The following MTBP variants were observed in gnomAD, a reference collection of about 807,000 sequenced individuals.
MTBP encodes the protein mdm2-binding protein.
MTBP carries 101 observed loss-of-function variants against 117.0 expected under a neutral mutation model. The ratio of observed to expected loss-of-function variants is 0.86; its 90% CI spans 0.73 to 1.02. The LOEUF is 1.02. Ranked by LOEUF, MTBP falls within the 50% of genes least tolerant of loss-of-function variation. The pLI is 0.00. For synonymous variants in MTBP, 350 were observed against 351.5 expected (o/e 1.00, Z 0.05); for missense variants, 970 against 1,030.9 (o/e 0.94, Z 0.81).
At chr8:120,459,580 T>C (rs2130526207) in intron 8 of MTBP, among the ~76,000 whole-genome samples, 1 of 152,328 alleles carries the variant, frequency 6.6e-6, no homozygotes, top group African/African-American at 2.4e-5. Context: ...ATGTGTATAG[T>C]CCTGAAACCA....
intron 11 of MTBP, among the ~76,000 whole-genome samples, chr8:120,484,547 G>A: frequency 6.6e-6 from 1 of 151,898 alleles, no homozygotes. Flanking sequence ...TCTTTTATTT[G>A]CTGTGTGGTT....
intron 4 of MTBP, chr8:120,451,578 G>A: frequency 2.8e-6 from 1 of 354,080 alleles, no homozygotes; most frequent in Non-Finnish European, 5.2e-6. Context: ...GATAAATTCT[G>A]CCTAATATTT....
At chr8:120,521,890 A>C (rs1364650810) in intron 20 of MTBP, among the ~76,000 whole-genome samples, 2 of 145,660 alleles carry the variant, frequency 1.4e-5, no homozygotes, top group Non-Finnish European at 3.0e-5. Context: ...GTAATGCAGC[A>C]TTAGTGGATG....
At chr8:120,502,784 A>C (rs919978509) in intron 15 of MTBP, among the ~76,000 whole-genome samples, 175 bp downstream of exon 15, 137 of 152,210 alleles carry the variant, frequency 9.0e-4, no homozygotes, top group African/African-American at 3.1e-3. Context: ...ATTAAAAGGG[A>C]AGGGCTCATC....
At chr8:120,459,390 T>C in intron 8 of MTBP, 41 bp downstream of exon 8, 1 of 1,558,814 alleles carries the variant, frequency 6.4e-7, no homozygotes, top group Non-Finnish European at 8.7e-7. Context: ...TTCATGTGTA[T>C]TTTTGTTCCT....
chr8:120,517,061 A>AAT (rs1814932669), intron 18 of MTBP, among the ~76,000 whole-genome samples: 1 of 152,010 alleles, frequency 6.6e-6, no homozygotes, highest in Non-Finnish European at 1.5e-5. Context: ...GGCTAATAAA[A>AAT]ATATATGTGT....
chr8:120,447,416 A>G (rs1178144991), intron 2 of MTBP, among the ~76,000 whole-genome samples: 3 of 152,156 alleles, frequency 2.0e-5, no homozygotes, highest in African/African-American at 7.2e-5. Flanking sequence ...CAATACCACT[A>G]TTATTGCAGG....
intron 13 of MTBP, among the ~76,000 whole-genome samples, chr8:120,494,115 T>C (rs1056570497): frequency 3.3e-5 from 5 of 152,186 alleles, no homozygotes; most frequent in Non-Finnish European, 7.3e-5. Context: ...GCTTGTATCA[T>C]GAAGCTGATG....
chr8:120,451,439 T>C (rs1196462689), intron 4 of MTBP, 117 bp downstream of exon 4: 3 of 836,990 alleles, frequency 3.6e-6, no homozygotes, highest in Non-Finnish European at 5.4e-6. Flanking sequence ...CTCTAGTTAA[T>C]TGAAATTTTT....
intron 9 of MTBP, among the ~76,000 whole-genome samples, chr8:120,461,916 A>T (rs1813589289): frequency 6.6e-6 from 1 of 152,170 alleles, no homozygotes; most frequent in Non-Finnish European, 1.5e-5. Flanking sequence ...ATGTCAGCCT[A>T]AATCAAAATA....
At chr8:120,484,085 T>C (rs1346040144) in intron 11 of MTBP, among the ~76,000 whole-genome samples, 1 of 152,112 alleles carries the variant, frequency 6.6e-6, no homozygotes, top group Admixed American at 6.5e-5. Context: ...ATTGTTGTAA[T>C]TACAAGCTTC....
At chr8:120,467,799 GA>G (rs1813730179) in intron 10 of MTBP, among the ~76,000 whole-genome samples, 2 of 152,124 alleles carry the variant, frequency 1.3e-5, no homozygotes. Context: ...ATTTTGTAGG[GA>G]ATTATAGTTT....
At chr8:120,511,049 T>C (rs557629183) in intron 17 of MTBP, among the ~76,000 whole-genome samples, 1 of 152,320 alleles carries the variant, frequency 6.6e-6, no homozygotes, top group East Asian at 1.9e-4. Context: ...ATTTTTAAAT[T>C]GTTTTGTGAA....
chr8:120,521,156 C>T (rs1474863164), intron 20 of MTBP, among the ~76,000 whole-genome samples: 2 of 152,044 alleles, frequency 1.3e-5, no homozygotes, highest in Non-Finnish European at 2.9e-5. Context: ...GAGAGATTAT[C>T]CTGTATACTT....
At chr8:120,500,236 G>T (rs1418343071) in intron 14 of MTBP, among the ~76,000 whole-genome samples, 1 of 151,668 alleles carries the variant, frequency 6.6e-6, no homozygotes, top group South Asian at 2.1e-4. Flanking sequence ...GTGCTTTTTG[G>T]CTGTCAGCAT....
chr8:120,508,527 A>G (rs1399423006), intron 16 of MTBP, among the ~76,000 whole-genome samples: 1 of 152,174 alleles, frequency 6.6e-6, no homozygotes, highest in Non-Finnish European at 1.5e-5. Flanking sequence ...AAATGGATGC[A>G]TTTGAATATA....
intron 10 of MTBP, among the ~76,000 whole-genome samples, chr8:120,467,721 G>T (rs1813728996): frequency 6.6e-6 from 1 of 151,218 alleles, no homozygotes; most frequent in Admixed American, 6.6e-5. Context: ...AATGATTAGT[G>T]TATGGGTGAG....
intron 11 of MTBP, among the ~76,000 whole-genome samples, chr8:120,477,685 A>T (rs1361259785): frequency 6.6e-6 from 1 of 152,238 alleles, no homozygotes; most frequent in African/African-American, 2.4e-5. Flanking sequence ...GAGAAATGCA[A>T]ATCAAAACCA....
intron 10 of MTBP, among the ~76,000 whole-genome samples, chr8:120,470,002 T>G (rs1813785932): frequency 6.6e-6 from 1 of 152,228 alleles, no homozygotes; most frequent in African/African-American, 2.4e-5. Context: ...CTTTAAGATC[T>G]TTGGCAAATG....
Sources: gnomAD v4.1 joint callset for allele counts (sites outside exome capture counted in the v4.1 genomes callset) on GRCh38, gnomAD v4.1.1 for gene constraint, MANE v1.5 for transcripts, NCBI Gene and HGNC (gene_info 2026-07-23, HGNC 2026-07-21) for gene names.